Variants in ERO1B observed in about 807,000 individuals in gnomAD.
ERO1B encodes endoplasmic reticulum oxidoreductase 1 beta.
In ERO1B, 49 loss-of-function variants were observed where a neutral mutation model predicts 75.3. That is an observed-to-expected ratio of 0.65 (90% CI 0.52 to 0.83). ERO1B has a LOEUF of 0.83. ERO1B is among the 40% of genes least tolerant of loss of function. The pLI is 0.00. For missense variants in ERO1B, 512 were observed against 560.1 expected (o/e 0.91, Z 0.87); for synonymous variants, 191 against 192.9 (o/e 0.99, Z 0.08).
chr1:236,257,091 TG>T (rs1241507717), intron 2 of ERO1B, among the ~76,000 whole-genome samples: 2 of 152,314 alleles, frequency 1.3e-5, no homozygotes, highest in Non-Finnish European at 2.9e-5. Flanking sequence ...CCCAAGGGAA[TG>T]GCTTCTATAC....
At chr1:236,250,362 C>T (rs1340176635) in intron 4 of ERO1B, among the ~76,000 whole-genome samples, 3 of 151,478 alleles carry the variant, frequency 2.0e-5, no homozygotes, top group Non-Finnish European at 2.9e-5. Context: ...CCCAGCTACT[C>T]GGGAGAGGCT....
chr1:236,226,900 C>A (rs1432915393), intron 10 of ERO1B, among the ~76,000 whole-genome samples, 161 bp from the exon 11 acceptor site: 1 of 152,060 alleles, frequency 6.6e-6, no homozygotes, highest in Non-Finnish European at 1.5e-5. Flanking sequence ...CACTAGAAGG[C>A]AAAGTAAGAT....
At chr1:236,240,545 C>T (rs1018242288) in intron 6 of ERO1B, among the ~76,000 whole-genome samples, 3 of 152,138 alleles carry the variant, frequency 2.0e-5, no homozygotes, top group African/African-American at 4.8e-5. Flanking sequence ...GATACACAAC[C>T]AGATTTAGAA....
At chr1:236,242,887 C>A (rs1664746688) in intron 6 of ERO1B, among the ~76,000 whole-genome samples, 1 of 152,082 alleles carries the variant, frequency 6.6e-6, no homozygotes, top group Non-Finnish European at 1.5e-5. Context: ...TTCTACCATT[C>A]CAGGGGACTC....
At position 236,259,312 on chromosome 1, in the gene ERO1B, G is replaced by A. The variant is rs534941338; in HGVS notation, c.223-5807C>T. ...CAAACCACAAAGGAAAACAGCAAGA[G>A]AGGAGGAGAGAACAAACGAATTACA... is the stretch of plus-strand genomic sequence containing the variant. On this transcript the variant is annotated intron_variant, in intron 2 of 15. Coordinates refer to ENST00000354619, the MANE Select transcript of ERO1B (RefSeq NM_019891.4). Among the ~76,000 whole-genome samples, 5 of 152,280 alleles carry A rather than the reference G, an allele frequency of 3.3e-5. No homozygotes were observed. In the South Asian group the frequency reaches 6.2e-4, roughly 19 times the overall value.
intron 13 of ERO1B, 29 bp downstream of exon 13, chr1:236,225,041 A>G (rs1664244002): frequency 6.2e-7 from 1 of 1,606,392 alleles, no homozygotes; most frequent in East Asian, 2.2e-5. Flanking sequence ...ACTGCTCCCA[A>G]CCCCGTGTCC....
intron 5 of ERO1B, 33 bp from the exon 6 acceptor site, chr1:236,243,528 T>C (rs766056756): frequency 3.4e-6 from 5 of 1,474,298 alleles, no homozygotes; most frequent in South Asian, 1.2e-5. Flanking sequence ...AGAAAAATTA[T>C]TAAATTTGGA....
At chr1:236,226,154 T>C (rs12023980) in intron 12 of ERO1B, 115 bp downstream of exon 12, 55,444 of 1,011,522 alleles carry the variant, frequency 0.055, 4,669 homozygotes, top group East Asian at 0.4. Flanking sequence ...ACTTTCCTTT[T>C]CTGTTCTACA....
chr1:236,247,974 G>A (rs1664925333), intron 5 of ERO1B, among the ~76,000 whole-genome samples: 1 of 152,008 alleles, frequency 6.6e-6, no homozygotes, highest in Admixed American at 6.6e-5. Flanking sequence ...CTCACTCCTA[G>A]CCCTCTTTGT....
Position 236,232,851 on chromosome 1 carries a change from A to C in ERO1B, c.674-12T>G. 3 of 1,592,962 alleles carry C rather than the reference A, an allele frequency of 1.9e-6. No homozygotes were observed. Among genetic ancestry groups the C allele is most frequent in the Non-Finnish European group, 2.6e-6 (3 of 1,169,246 alleles). Reference sequence around the variant, plus strand: ...ACCATCATCTTCGCCTAAAAGAGAAAATAATAGAAAAGATTTTAGAAAATG... The same window carrying C: ...ACCATCATCTTCGCCTAAAAGAGAACATAATAGAAAAGATTTTAGAAAATG... On this transcript the variant is annotated splice_polypyrimidine_tract_variant and intron_variant, in intron 8 of 15. Coordinates refer to ENST00000354619, the MANE Select transcript of ERO1B (RefSeq NM_019891.4).
Position 236,269,985 on chromosome 1 carries a change from C to A in ERO1B, c.112G>T (p.Val38Phe), listed in dbSNP as rs749254486. ...ATATCACACAAGCAATCATCCAGAA[C>A]TCCAGTGACCTAGAATTTATATAAT... ...RSVVEAQVTG[V>F]LDDCLCDIDS... is the part of the protein sequence containing the mutation. The change falls in exon 2 of 16, where the codon GTT becomes TTT. Residue 38 changes from valine to phenylalanine, a missense_variant. Transcript: ENST00000354619. 6.3e-7 allele frequency: 1 copy of A among 1,590,574 alleles called. No homozygotes were observed. The highest frequency in any genetic ancestry group is 1.1e-5 in the South Asian group (1 of 88,100).
chr1:236,268,956 C>T (rs1225510084), intron 2 of ERO1B, among the ~76,000 whole-genome samples: 5 of 151,996 alleles, frequency 3.3e-5, no homozygotes, highest in East Asian at 1.9e-4. Flanking sequence ...ATATTTAGGC[C>T]GGGCACAGTG....
In ERO1B at chr1:236,269,781, G is replaced by A; in HGVS notation, c.222+94C>T. The A allele has an allele frequency of 4.4e-6, 4 of 917,224 alleles. No individual in the cohort carries two copies. The Admixed American group carries it at 9.6e-5, about 22-fold the overall frequency. 56.8% of individuals were successfully genotyped at this position (917,224 alleles called of 1,614,324 possible). Reference sequence around the variant, plus strand: ...ATTCAGTGATGAAAGATATACACAAGGTGCTGAGAGGAACTGAAATGGGCT... The same window carrying A: ...ATTCAGTGATGAAAGATATACACAAAGTGCTGAGAGGAACTGAAATGGGCT... On this transcript the variant is annotated intron_variant, in intron 2 of 15. Transcript: ENST00000354619.
intron 3 of ERO1B, among the ~76,000 whole-genome samples, chr1:236,252,960 T>G (rs1010374544): frequency 5.5e-5 from 4 of 73,150 alleles, no homozygotes; most frequent in South Asian, 4.3e-4. Flanking sequence ...TAAGTATAGG[T>G]TTTTTTTTAA....
intron 2 of ERO1B, among the ~76,000 whole-genome samples, chr1:236,262,793 G>A (rs1180899084): frequency 6.6e-6 from 1 of 152,118 alleles, no homozygotes; most frequent in Non-Finnish European, 1.5e-5. Context: ...GGTAGACACT[G>A]TAACATACTA....
At chr1:236,264,054 TTTA>T (rs201233647) in intron 2 of ERO1B, among the ~76,000 whole-genome samples, 2,469 of 152,224 alleles carry the variant, frequency 0.016, 59 homozygotes, top group African/African-American at 0.054. Flanking sequence ...TTTTATTGTT[TTTA>T]TTATTGATTC....
At chr1:236,239,241 T>G (rs982307790) in intron 6 of ERO1B, among the ~76,000 whole-genome samples, 3 of 152,208 alleles carry the variant, frequency 2.0e-5, no homozygotes, top group Admixed American at 1.3e-4. Context: ...TACAAGGAGT[T>G]TGCAAACTAC....
intron 5 of ERO1B, among the ~76,000 whole-genome samples, chr1:236,245,368 ACG>A (rs1487502294): frequency 1.4e-5 from 1 of 70,150 alleles, no homozygotes; most frequent in African/African-American, 4.9e-5. Context: ...GTATATATAT[ACG>A]TATATATATA....
At chr1:236,233,309 C>CAAAA (rs747020101) in intron 8 of ERO1B, among the ~76,000 whole-genome samples, 4,374 of 102,520 alleles carry the variant, frequency 0.043, 236 homozygotes, top group East Asian at 0.35. Context: ...AATTCCGTCT[C>CAAAA]AAAAAAAAAA....
Sources: gnomAD v4.1 joint callset for allele counts (sites outside exome capture counted in the v4.1 genomes callset) on GRCh38, gnomAD v4.1.1 for gene constraint, MANE v1.5 for transcripts, NCBI Gene and HGNC (gene_info 2026-07-23, HGNC 2026-07-21) for gene names.